NFIA: variants seen among roughly 807,000 people sequenced by gnomAD.
NFIA encodes nuclear factor 1 A-type.
Under a neutral mutation model 62.8 loss-of-function variants are expected in NFIA, and 8 were observed. The observed-to-expected ratio is 0.13, with a 90% CI of 0.07 to 0.23. The LOEUF is 0.23. NFIA is among the 10% of genes least tolerant of loss of function. NFIA has a pLI of 1.00. For synonymous variants in NFIA, 235 were observed against 238.1 expected, an observed-to-expected ratio of 0.99 and a Z score of 0.12; for missense variants, 410 against 642.1, an observed-to-expected ratio of 0.64 and a Z score of 3.91.
At chr1:61,200,723 AATGTGT>A (rs1180554409) in intron 2 of NFIA, among the ~76,000 whole-genome samples, 1 of 152,206 alleles carries the variant, frequency 6.6e-6, no homozygotes, top group Non-Finnish European at 1.5e-5. Context: ...CACATAATTA[AATGTGT>A]ATTCATCCCC....
intron 10 of NFIA, among the ~76,000 whole-genome samples, chr1:61,431,127 T>C (rs1667082382): frequency 6.6e-6 from 1 of 152,226 alleles, no homozygotes; most frequent in African/African-American, 2.4e-5. Context: ...ATAGGGAACC[T>C]GCCATTGTTT....
chr1:61,098,418 A>G (rs1446963193), intron 2 of NFIA, among the ~76,000 whole-genome samples: 1 of 152,232 alleles, frequency 6.6e-6, no homozygotes, highest in Non-Finnish European at 1.5e-5. Context: ...TGCACACCAT[A>G]TAAAAATTAC....
At chr1:61,443,159 A>G (rs1402583311) in intron 10 of NFIA, among the ~76,000 whole-genome samples, 8 of 152,214 alleles carry the variant, frequency 5.3e-5, no homozygotes, top group East Asian at 3.8e-4. Context: ...TGACGGCTCA[A>G]TATTGCACTA....
intron 10 of NFIA, among the ~76,000 whole-genome samples, chr1:61,438,625 A>G (rs1282368546): frequency 6.6e-6 from 1 of 152,268 alleles, no homozygotes; most frequent in African/African-American, 2.4e-5. Flanking sequence ...TTAAAGTTCA[A>G]CTAACGTCGC....
At chr1:61,165,198 AT>A in intron 2 of NFIA, among the ~76,000 whole-genome samples, 1 of 152,274 alleles carries the variant, frequency 6.6e-6, no homozygotes, top group Non-Finnish European at 1.5e-5. Flanking sequence ...GAATTACTCT[AT>A]TTTTTAAAAA....
At chr1:61,243,806 C>T (rs1655487269) in intron 2 of NFIA, among the ~76,000 whole-genome samples, 1 of 152,158 alleles carries the variant, frequency 6.6e-6, no homozygotes, top group Admixed American at 6.5e-5. Flanking sequence ...CATCACCATT[C>T]TTGCTTATAT....
intron 3 of NFIA, among the ~76,000 whole-genome samples, chr1:61,282,846 A>G (rs1658221609): frequency 6.6e-6 from 1 of 152,218 alleles, no homozygotes; most frequent in Non-Finnish European, 1.5e-5. Context: ...AAAATGTGAT[A>G]TTTATAACAA....
chr1:61,137,882 A>G (rs1647231204), intron 2 of NFIA, among the ~76,000 whole-genome samples: 1 of 151,894 alleles, frequency 6.6e-6, no homozygotes, highest in Non-Finnish European at 1.5e-5. Flanking sequence ...ATTAATTAGC[A>G]TGTAAAAATT....
chr1:61,440,642 A>G (rs1296676180), intron 10 of NFIA, among the ~76,000 whole-genome samples: 1 of 151,304 alleles, frequency 6.6e-6, no homozygotes, highest in African/African-American at 2.4e-5. Flanking sequence ...TCTCTTTCAG[A>G]TTTTTGTATC....
intron 2 of NFIA, among the ~76,000 whole-genome samples, chr1:61,222,177 A>G (rs1196257829): frequency 1.3e-5 from 2 of 152,152 alleles, no homozygotes; most frequent in Non-Finnish European, 2.9e-5. Context: ...AAGTTTAAAA[A>G]GTTTTACGGT....
intron 3 of NFIA, among the ~76,000 whole-genome samples, chr1:61,309,238 G>A (rs1160444912): frequency 1.3e-5 from 2 of 152,118 alleles, no homozygotes; most frequent in African/African-American, 2.4e-5. Context: ...GGTTGAATAT[G>A]AAGAGACCCT....
At chr1:61,367,754 T>C (rs577762206) in intron 6 of NFIA, among the ~76,000 whole-genome samples, 80 of 152,320 alleles carry the variant, frequency 5.3e-4, no homozygotes, top group African/African-American at 1.9e-3. Context: ...AATTGGAGTC[T>C]AAAAGGTTAC....
Position 61,404,091 on chromosome 1 carries a change from T to C in NFIA, c.1076-13T>C, listed in dbSNP as rs1209030318. On this transcript the variant is annotated splice_polypyrimidine_tract_variant and intron_variant, in intron 7 of 10. Transcript: ENST00000403491. ...CTTTCTTTTCATAACCCTGATGTTT[T>C]CTTTTCCTGCAGCAAGTCCGCATGC... is the stretch of plus-strand genomic sequence containing the variant. 6.2e-7 allele frequency: 1 copy of C among 1,613,680 alleles called. No individual in the cohort carries two copies. Among genetic ancestry groups the C allele is most frequent in the South Asian group, 1.1e-5 (1 of 91,004 alleles).
chr1:61,330,687 A>C (rs1186900048), intron 3 of NFIA, among the ~76,000 whole-genome samples: 1 of 152,192 alleles, frequency 6.6e-6, no homozygotes, highest in East Asian at 1.9e-4. Context: ...TTGTGTTTAC[A>C]TTCACGCTAT....
In NFIA at chr1:61,196,898, AGTGTGTGTGTGTGTGTGTGTGT is replaced by A. The variant is rs3030264; in HGVS notation, c.560-80600_560-80579del. 5.2e-3 allele frequency among the ~76,000 whole-genome samples: 771 copies of A among 148,548 alleles called. 14 individuals are homozygous for A. In the East Asian group the frequency reaches 0.054, roughly 10 times the overall value. On this transcript the variant is annotated intron_variant, in intron 2 of 10. Transcript: ENST00000403491. The stretch of plus-strand genomic sequence containing the variant: ...GTCACACTGTTTAAAACCTTAAAGG[AGTGTGTGTGTGTGTGTGTGTGT>A]GTGTGTGTGTGTGTGTGTGTGCGCG...
intron 10 of NFIA, 87 bp from the exon 11 acceptor site, chr1:61,455,216 C>A: frequency 1.4e-6 from 2 of 1,402,802 alleles, no homozygotes; most frequent in Non-Finnish European, 2.0e-6. Flanking sequence ...TAACGTAGAT[C>A]CTGATTTCGT....
At chr1:61,129,985 A>C (rs1182898686) in intron 2 of NFIA, among the ~76,000 whole-genome samples, 1 of 152,154 alleles carries the variant, frequency 6.6e-6, no homozygotes, top group African/African-American at 2.4e-5. Context: ...CTTGATAGGC[A>C]AGGAAATTGA....
intron 4 of NFIA, among the ~76,000 whole-genome samples, chr1:61,336,427 C>T (rs1450134013): frequency 2.6e-5 from 4 of 152,016 alleles, no homozygotes; most frequent in Non-Finnish European, 5.9e-5. Context: ...ACAGAAGTCC[C>T]GTATACCCCT....
Position 61,262,708 on chromosome 1 carries a change from ACACT to A in NFIA, c.560-14809_560-14806del, listed in dbSNP as rs568978149. Among the ~76,000 whole-genome samples, 18 of 151,930 alleles carry A rather than the reference ACACT, an allele frequency of 1.2e-4. No individual in the cohort carries two copies. In the South Asian group the frequency reaches 2.3e-3, roughly 19 times the overall value. On this transcript the variant is annotated intron_variant, in intron 2 of 10. Transcript: ENST00000403491. Reference sequence around the variant, plus strand: ...TAAAGTAAAAATGGAAAATGAAAACACACTCAGTGATTTTTTTGGAAATCATTTG... The same window carrying A: ...TAAAGTAAAAATGGAAAATGAAAACACAGTGATTTTTTTGGAAATCATTTG...
Sources: gnomAD v4.1 joint callset for allele counts (sites outside exome capture counted in the v4.1 genomes callset) on GRCh38, gnomAD v4.1.1 for gene constraint, MANE v1.5 for transcripts, NCBI Gene and HGNC (gene_info 2026-07-23, HGNC 2026-07-21) for gene names.